The following TOP1MT variants were observed in gnomAD, a reference collection of about 807,000 sequenced individuals.
TOP1MT encodes the protein DNA topoisomerase I mitochondrial, also known as DNA topoisomerase I, mitochondrial.
Under a neutral mutation model 73.9 loss-of-function variants are expected in TOP1MT, and 80 were observed. That is an observed-to-expected ratio of 1.08 (90% confidence interval 0.90 to 1.30). The LOEUF is 1.30. TOP1MT is among the 50% of genes most tolerant of loss of function. The probability of loss-of-function intolerance (pLI) is 0.00; values close to 1 mark genes in which losing one functional copy is unlikely to be tolerated. For synonymous variants in TOP1MT, 338 were observed against 326.4 expected, an observed-to-expected ratio of 1.04 and a Z score of -0.38; for missense variants, 815 against 808.0, an observed-to-expected ratio of 1.01 and a Z score of -0.10.
chr8:143,349,815 A>G (rs1162690777), upstream of TOP1MT, among the ~76,000 whole-genome samples: 2 of 152,010 alleles, frequency 1.3e-5, no homozygotes, highest in Non-Finnish European at 2.9e-5. Flanking sequence ...TAATTTTTGT[A>G]TTTTTAGTAG....
In TOP1MT at chr8:143,326,256, G is replaced by A. The variant is rs1816704174; in HGVS notation, c.449C>T (p.Ala150Val). The A allele has an allele frequency of 1.2e-6, 2 of 1,613,900 alleles. No individual in the cohort carries two copies. Among genetic ancestry groups the A allele is most frequent in the Admixed American group, 1.7e-5 (1 of 60,008 alleles). The stretch of plus-strand genomic sequence containing the variant: ...CTCCCTGCTCAGGACTTTCCGGGCT[G>A]CGGCCTTGTCCACAAAGTATCTGTG... ...EIHRYFVDKA[A>V]ARKVLSREEK... is the part of the protein sequence containing the mutation. Residue 150 changes from alanine to valine, a missense_variant, in exon 4 of 14, where the codon GCA (alanine) becomes GTA (valine). Around this residue, in one of 3 missense-constraint regions of TOP1MT, gnomAD observed 751 missense variants for 725.4 expected, o/e 1.04. Coordinates refer to ENST00000329245, the MANE Select transcript of TOP1MT (RefSeq NM_052963.3).
At chr8:143,324,195 G>C in intron 6 of TOP1MT, 53 bp from the exon 7 acceptor site, 3 of 1,599,268 alleles carry the variant, frequency 1.9e-6, no homozygotes, top group Non-Finnish European at 2.6e-6. Context: ...GTTAAATAAC[G>C]GAGGAGGCTG....
chr8:143,354,387 G>A (rs1365060526), intron 1 of TOP1MT, among the ~76,000 whole-genome samples: 1 of 152,090 alleles, frequency 6.6e-6, no homozygotes, highest in African/African-American at 2.4e-5. Flanking sequence ...GTGGTTGCCA[G>A]GGGCTGGGGG....
chr8:143,350,601 G>A (rs1404445500), intron 1 of TOP1MT, among the ~76,000 whole-genome samples: 2 of 152,160 alleles, frequency 1.3e-5, no homozygotes, highest in African/African-American at 4.8e-5. Flanking sequence ...CAAAGTGCTG[G>A]GATTACAGGC....
chr8:143,330,262 C>A (rs1168964174), intron 2 of TOP1MT, among the ~76,000 whole-genome samples: 1 of 152,198 alleles, frequency 6.6e-6, no homozygotes, highest in Non-Finnish European at 1.5e-5. Context: ...CCCGGACTGT[C>A]CACCATGGCC....
At chr8:143,326,658 T>C (rs1816716267) in intron 3 of TOP1MT, among the ~76,000 whole-genome samples, 1 of 152,166 alleles carries the variant, frequency 6.6e-6, no homozygotes, top group Non-Finnish European at 1.5e-5. Context: ...AATTCCACTT[T>C]GAGATCCATC....
At chr8:143,337,893 T>C (rs951386943), upstream of TOP1MT, among the ~76,000 whole-genome samples, 2 of 152,142 alleles carry the variant, frequency 1.3e-5, no homozygotes. Context: ...GAGGAAGCAT[T>C]GCGTAACTCC....
chr8:143,313,972 T>C (rs1279603234), intron 12 of TOP1MT, among the ~76,000 whole-genome samples: 1 of 152,026 alleles, frequency 6.6e-6, no homozygotes, highest in Non-Finnish European at 1.5e-5. Flanking sequence ...ACAGAGGACC[T>C]GAGCAGTCAT....
upstream of TOP1MT, among the ~76,000 whole-genome samples, chr8:143,339,467 TC>T (rs1275633176): frequency 6.6e-6 from 1 of 152,148 alleles, no homozygotes; most frequent in African/African-American, 2.4e-5. Context: ...TACCTCAGTT[TC>T]CTCATCTGAA....
upstream of TOP1MT, chr8:143,334,915 C>T: frequency 7.7e-7 from 1 of 1,303,702 alleles, no homozygotes; most frequent in Non-Finnish European, 9.7e-7. Context: ...GCGGCCAGCC[C>T]CGCCCCGCCC....
rs79124172 is a variant in TOP1MT, at chr8:143,319,178, G to A, written c.1147-1092C>T. ...CTTCCCGACCAGACTGCCTGAGGCC[G>A]GGCCCTGCCAGGGACTCCTGTTTCT... On this transcript the variant is annotated intron_variant, in intron 8 of 13. Transcript: ENST00000329245. Among the ~76,000 whole-genome samples the A allele has an allele frequency of 4.6e-5, 7 of 152,280 alleles. No individual in the cohort carries two copies. In the East Asian group the frequency reaches 5.8e-4, roughly 13 times the overall value.
At chr8:143,351,802 G>A (rs942957267) in intron 1 of TOP1MT, among the ~76,000 whole-genome samples, 3 of 152,086 alleles carry the variant, frequency 2.0e-5, no homozygotes, top group Non-Finnish European at 4.4e-5. Context: ...AGCAATACTC[G>A]GCCAGGTGTA....
At chr8:143,335,838 C>T (rs2130374205), upstream of TOP1MT, among the ~76,000 whole-genome samples, 1 of 152,366 alleles carries the variant, frequency 6.6e-6, no homozygotes, top group South Asian at 2.1e-4. Context: ...CCAACTGACT[C>T]AGTGTCCATG....
At chr8:143,352,615 G>A (rs1385808716) in intron 1 of TOP1MT, among the ~76,000 whole-genome samples, 1 of 152,196 alleles carries the variant, frequency 6.6e-6, no homozygotes, top group Non-Finnish European at 1.5e-5. Context: ...CCCTGAATTA[G>A]ATCATGGTTT....
chr8:143,354,282 T>C (rs1489617649), intron 1 of TOP1MT, among the ~76,000 whole-genome samples: 1 of 151,828 alleles, frequency 6.6e-6, no homozygotes. Flanking sequence ...ACACCTGACA[T>C]GAAAGAAGCC....
Position 143,334,797 on chromosome 8 carries a change from C to A in TOP1MT, c.65G>T (p.Arg22Leu). 2.5e-6 allele frequency: 4 copies of A among 1,580,508 alleles called. No homozygotes were observed. Among genetic ancestry groups the A allele is most frequent in the Non-Finnish European group, 2.6e-6 (3 of 1,167,910 alleles). The part of the protein sequence containing the change: ...ALTLLGEVPR[R>L]PASRGVPGSR... ...GCCCGGGACACCCCGGGAGGCCGGGCGGCGGGGGACCTCCCCGAGCAGCGT... is the reference window on the plus strand; with the variant it reads ...GCCCGGGACACCCCGGGAGGCCGGGAGGCGGGGGACCTCCCCGAGCAGCGT... Residue 22 changes from arginine (R) to leucine (L), a missense_variant, in exon 1 of 14, where the codon CGC (arginine) becomes CTC (leucine). By Grantham distance (102) the Arg-to-Leu change is moderately radical. This residue lies in a region of TOP1MT where 60 missense variants were observed against 65.9 expected (regional missense o/e 0.91). Transcript: ENST00000329245.
chr8:143,348,455 AC>A (rs929510690), upstream of TOP1MT, among the ~76,000 whole-genome samples: 5 of 151,420 alleles, frequency 3.3e-5, no homozygotes, highest in African/African-American at 1.2e-4. This position sits in a 1 kb window ranked among gnomAD's most constrained non-coding sequence, Gnocchi z 4.6. Flanking sequence ...CCTGACAGAC[AC>A]CCCCCACCGA....
chr8:143,357,961 G>A (rs370493987), upstream of TOP1MT, among the ~76,000 whole-genome samples: 144 of 151,724 alleles, frequency 9.5e-4, no homozygotes, highest in South Asian at 0.01. Context: ...GGTAGCACAC[G>A]CCTGTGGTCC....
In TOP1MT at chr8:143,333,150, GAACT is replaced by G. The variant is rs147233619; in HGVS notation, c.122+1586_122+1589del. Among the ~76,000 whole-genome samples the G allele has an allele frequency of 8.6e-3, 1,302 of 151,540 alleles. 100 individuals are homozygous for G. The East Asian group carries it at 0.2, about 23-fold the overall frequency. The stretch of plus-strand genomic sequence containing the variant: ...AAAATGGGAAACCACGTGTATCTCG[GAACT>G]AACTGATAGGAGCCAGGCGCGGTGA... On this transcript the variant is annotated intron_variant, in intron 1 of 13. Coordinates refer to ENST00000329245, the MANE Select transcript of TOP1MT (RefSeq NM_052963.3).
Sources: allele counts gnomAD v4.1 joint callset (sites outside exome capture counted in the v4.1 genomes callset), GRCh38; gene constraint gnomAD v4.1.1; regional missense constraint gnomAD v4.1.1; non-coding constraint Gnocchi (gnomAD v3.1); transcripts MANE v1.5; gene names NCBI Gene and HGNC (gene_info 2026-07-23, HGNC 2026-07-21).